The following CHM variants were observed in gnomAD, a reference collection of about 807,000 sequenced individuals.
The protein encoded by CHM is CHM Rab escort protein.
In CHM, 10 loss-of-function variants were observed where a neutral mutation model predicts 49.0. The ratio of observed to expected loss-of-function variants is 0.20; its 90% CI spans 0.13 to 0.35. The LOEUF is 0.35. Among genes scored for constraint, CHM ranks in the 10% least tolerant of loss-of-function variants. CHM has a pLI of 1.00. For missense variants in CHM, 455 were observed against 478.4 expected, an observed-to-expected ratio of 0.95 and a Z score of 0.46; for synonymous variants, 184 against 167.5, an observed-to-expected ratio of 1.10 and a Z score of -0.76.
rs1934694150 is a variant in CHM, at chrX:86,047,494, T to G, written c.39A>C (p.Val13=). ...CCAGGCTACACATACCCGTCCCTAT[T>G]ACGATCACATCAAACTCCGAAGGGA... ...DTLPSEFDVI[V]IGTGLPESII... The change falls in exon 1 of 15, where the codon GTA becomes GTC. Residue 13 remains valine, a synonymous_variant. Transcript: ENST00000357749. The G allele has an allele frequency of 1.7e-6, 2 of 1,208,574 alleles. No homozygotes were observed. The highest frequency in any genetic ancestry group is 3.0e-5 in the East Asian group (1 of 33,804).
At chrX:86,025,878 G>A (rs1933788446) in intron 2 of CHM, among the ~76,000 whole-genome samples, 1 of 110,655 alleles carries the variant, frequency 9.0e-6, no homozygotes, top group Non-Finnish European at 1.9e-5. Flanking sequence ...ACTTGGCTGT[G>A]ATGAGAATTA....
At chrX:85,920,279 G>C (rs910103184) in intron 8 of CHM, among the ~76,000 whole-genome samples, 18 of 109,596 alleles carry the variant, frequency 1.6e-4, no homozygotes, top group African/African-American at 5.0e-4. Context: ...CTATTTTTTA[G>C]TAGAGACGGG....
chrX:85,913,644 G>A (rs1927265294), intron 8 of CHM, among the ~76,000 whole-genome samples: 1 of 110,951 alleles, frequency 9.0e-6, no homozygotes, highest in African/African-American at 3.3e-5. Context: ...AGGATGGTAA[G>A]ATAATAAATT....
intron 1 of CHM, among the ~76,000 whole-genome samples, chrX:86,043,859 T>C (rs1017487496): frequency 9.1e-6 from 1 of 110,397 alleles, no homozygotes; most frequent in Admixed American, 9.7e-5. Context: ...TATAGAGTAA[T>C]GGGGATTACA....
At chrX:85,964,086 T>C (rs1250378737) in intron 4 of CHM, 34 bp from the exon 5 acceptor site, 3 of 1,136,239 alleles carry the variant, frequency 2.6e-6, no homozygotes, top group African/African-American at 3.6e-5. Flanking sequence ...CACCAGGCTT[T>C]ATATATATAT....
At chrX:85,990,966 G>A (rs1308465671) in intron 2 of CHM, among the ~76,000 whole-genome samples, 2 of 111,915 alleles carry the variant, frequency 1.8e-5, no homozygotes, top group Non-Finnish European at 3.8e-5. Flanking sequence ...TGAAGCTACT[G>A]ACATTCAAGC....
chrX:85,908,613 C>A (rs1161966524), intron 9 of CHM, among the ~76,000 whole-genome samples: 1 of 111,316 alleles, frequency 9.0e-6, no homozygotes, highest in Non-Finnish European at 1.9e-5. Context: ...GTTTTAAAAA[C>A]TGGCAAGTTA....
chrX:85,930,860 T>C (rs1213421039), intron 8 of CHM, among the ~76,000 whole-genome samples: 2 of 111,981 alleles, frequency 1.8e-5, no homozygotes, highest in Non-Finnish European at 3.8e-5. Flanking sequence ...CAATAAATCA[T>C]GTAAATATTA....
Position 85,962,652 on chromosome X carries a change from C to G in CHM, c.702+1013G>C, listed in dbSNP as rs762870551. On this transcript the variant is annotated intron_variant, in intron 5 of 14. Transcript: ENST00000357749. ...GTCTTGTGCTATTCACTATCCTCTC[C>G]TACTTCTTTTCAATTACTTATTGTT... is the stretch of plus-strand genomic sequence containing the variant. Among the ~76,000 whole-genome samples, 12 of 111,701 alleles carry G rather than the reference C, an allele frequency of 1.1e-4. No individual in the cohort carries two copies. The South Asian group carries it at 4.5e-3, about 42-fold the overall frequency.
chrX:85,955,667 T>C (rs376682303), intron 8 of CHM, among the ~76,000 whole-genome samples: 44 of 112,306 alleles, frequency 3.9e-4, no homozygotes, highest in South Asian at 1.5e-3. Flanking sequence ...CTGAACACGA[T>C]GTTGTAAAGT....
intron 2 of CHM, among the ~76,000 whole-genome samples, chrX:86,004,181 G>T (rs1211600238): frequency 9.0e-6 from 1 of 111,563 alleles, no homozygotes; most frequent in Non-Finnish European, 1.9e-5. Flanking sequence ...AAATGCAGGA[G>T]AAATAAAATC....
At chrX:85,968,077 T>C (rs1930675240) in intron 4 of CHM, among the ~76,000 whole-genome samples, 1 of 111,964 alleles carries the variant, frequency 8.9e-6, no homozygotes, top group African/African-American at 3.2e-5. Flanking sequence ...TTGATGTTTA[T>C]ACTTTGTTCT....
chrX:85,925,661 T>C (rs1928037766), intron 8 of CHM, among the ~76,000 whole-genome samples: 1 of 111,597 alleles, frequency 9.0e-6, no homozygotes, highest in African/African-American at 3.3e-5. Context: ...ATTTTTGTTT[T>C]GAGTAATCCT....
At chrX:86,020,663 T>TCTG (rs773105036) in intron 2 of CHM, among the ~76,000 whole-genome samples, 3,154 of 105,212 alleles carry the variant, frequency 0.03, 74 homozygotes, top group Middle Eastern at 0.045. Flanking sequence ...ATGAAATACA[T>TCTG]ATGATATATA....
Position 85,861,358 on chromosome X carries a change from A to G in CHM, c.*3272T>C, listed in dbSNP as rs1923342618. 3 of 112,049 alleles carry G rather than the reference A, an allele frequency of 2.7e-5. No individual in the cohort carries two copies. Among genetic ancestry groups the G allele is most frequent in the African/African-American group, 9.7e-5 (3 of 30,871 alleles). The allele number at this position is 112,049 out of a possible 1,213,427, so 9.2% of individuals were successfully genotyped here. ...ATTATTACAATTCCTACTGTAAAGA[A>G]TCACCAACCACTATTTAGCAATTAA... On this transcript the variant is annotated 3_prime_UTR_variant, in exon 15 of 15. Transcript: ENST00000357749.
At chrX:85,930,230 G>A (rs748589647) in intron 8 of CHM, among the ~76,000 whole-genome samples, 25 of 112,198 alleles carry the variant, frequency 2.2e-4, no homozygotes, top group African/African-American at 8.1e-4. Context: ...ATCAAAGAAT[G>A]TTAGAAATTC....
chrX:86,033,785 T>C (rs1034763878), intron 1 of CHM, among the ~76,000 whole-genome samples: 10 of 111,693 alleles, frequency 9.0e-5, no homozygotes, highest in Admixed American at 1.9e-4. Context: ...GATAAAAATA[T>C]CATTTTTAAA....
At chrX:86,019,064 G>A (rs1409336889) in intron 2 of CHM, among the ~76,000 whole-genome samples, 3 of 111,863 alleles carry the variant, frequency 2.7e-5, no homozygotes, top group African/African-American at 9.8e-5. Context: ...AGCTGCTTCT[G>A]GGAGGTGGGA....
intron 14 of CHM, among the ~76,000 whole-genome samples, chrX:85,869,531 CTCTT>C (rs1478359076): frequency 9.0e-6 from 1 of 110,828 alleles, no homozygotes; most frequent in African/African-American, 3.3e-5. Context: ...TGTCACACCA[CTCTT>C]TCTTGTGTTC....
Sources: gnomAD v4.1 joint callset for allele counts (sites outside exome capture counted in the v4.1 genomes callset) on GRCh38, gnomAD v4.1.1 for gene constraint, MANE v1.5 for transcripts, NCBI Gene and HGNC (gene_info 2026-07-23, HGNC 2026-07-21) for gene names.